Variants in MDFIC observed in about 807,000 individuals in gnomAD.
MDFIC encodes the protein myoD family inhibitor domain-containing protein.
MDFIC carries 17 observed loss-of-function variants against 23.2 expected under a neutral mutation model. The ratio of observed to expected loss-of-function variants is 0.73; its 90% confidence interval spans 0.50 to 1.10. The LOEUF (loss-of-function observed/expected upper bound fraction) is 1.10. Ranked by LOEUF, MDFIC falls within the 50% of genes least tolerant of loss-of-function variation. The pLI is 0.00. For missense variants in MDFIC, 356 were observed against 316.6 expected (o/e 1.12, Z -0.95); for synonymous variants, 120 against 115.2 (o/e 1.04, Z -0.27).
chr7:114,990,584 T>C (rs989209298), intron 4 of MDFIC, among the ~76,000 whole-genome samples: 3 of 152,274 alleles, frequency 2.0e-5, no homozygotes, highest in Non-Finnish European at 4.4e-5. Flanking sequence ...CACCTATGAG[T>C]GAGAACATGC....
Position 114,988,464 on chromosome 7 carries a change from C to T in MDFIC, c.493+8683C>T, listed in dbSNP as rs571888660. Reference sequence around the variant, plus strand: ...GCCAGGCTGGAGATGAAAGTTTGTTCGTGAGGGATTCAACCTCAAGAGCTC... The same window carrying T: ...GCCAGGCTGGAGATGAAAGTTTGTTTGTGAGGGATTCAACCTCAAGAGCTC... On this transcript the variant is annotated intron_variant, in intron 4 of 4. Transcript: ENST00000393486. Among the ~76,000 whole-genome samples, 8 of 152,148 alleles carry T rather than the reference C, an allele frequency of 5.3e-5. No homozygotes were observed. The South Asian group carries it at 1.7e-3, about 32-fold the overall frequency.
intron 4 of MDFIC, chr7:115,014,356 A>G: frequency 7.8e-7 from 1 of 1,274,366 alleles, no homozygotes; most frequent in Admixed American, 2.5e-5. Flanking sequence ...GTCAATTCAC[A>G]TCTACTTGCA....
chr7:114,990,132 A>T (rs1383574603), intron 4 of MDFIC, among the ~76,000 whole-genome samples: 7 of 152,208 alleles, frequency 4.6e-5, no homozygotes, highest in Non-Finnish European at 8.8e-5. Flanking sequence ...TTTATGCTTT[A>T]GTATGCTCTA....
chr7:114,998,147 G>C lies in MDFIC; in HGVS notation c.494-17541G>C, dbSNP rs1183085411. ...ACAATTCAGAGGAGGAAGTTTTGGG[G>C]AAAAATACAGATTGTGCAGGATGTT... On this transcript the variant is annotated intron_variant, in intron 4 of 4. Coordinates refer to ENST00000393486, the MANE Select transcript of MDFIC (RefSeq NM_001166345.3). 3.9e-5 allele frequency among the ~76,000 whole-genome samples: 6 copies of C among 152,156 alleles called. No homozygotes were observed. The East Asian group carries it at 1.2e-3, about 29-fold the overall frequency.
At chr7:114,950,886 A>G (rs1792755831) in intron 3 of MDFIC, among the ~76,000 whole-genome samples, 1 of 152,294 alleles carries the variant, frequency 6.6e-6, no homozygotes, top group East Asian at 1.9e-4. Context: ...TTAAAGGGTC[A>G]GGAGGGGCCA....
chr7:114,927,600 A>G (rs1436986490), intron 2 of MDFIC, among the ~76,000 whole-genome samples: 1 of 152,156 alleles, frequency 6.6e-6, no homozygotes, highest in African/African-American at 2.4e-5. Flanking sequence ...ATGAGAGACT[A>G]AATAAATAGA....
Position 115,017,357 on chromosome 7 carries a change from T to C in MDFIC, c.*1422T>C, listed in dbSNP as rs946379355. On this transcript the variant is annotated 3_prime_UTR_variant, in exon 5 of 5. Coordinates refer to ENST00000393486, the MANE Select transcript of MDFIC (RefSeq NM_001166345.3). ...TTCATTTAAATTAGGAAATTTTTAA[T>C]ATTAAAATCCCAGTGTTCTGAGTTA... 6.6e-6 allele frequency: 1 copy of C among 152,174 alleles called. No homozygotes were observed. Among genetic ancestry groups the C allele is most frequent in the African/African-American group, 2.4e-5 (1 of 41,456 alleles). The allele number at this position is 152,174 out of a possible 1,614,324, so 9.4% of individuals were successfully genotyped here. A position where few individuals can be genotyped will look rare whatever the true frequency, so the allele number is the denominator to read the frequency against.
At chr7:114,954,924 T>A (rs1792855427) in intron 3 of MDFIC, among the ~76,000 whole-genome samples, 1 of 152,172 alleles carries the variant, frequency 6.6e-6, no homozygotes, top group Non-Finnish European at 1.5e-5. Flanking sequence ...CTCACCACTT[T>A]CTGCCTCTAT....
intron 4 of MDFIC, among the ~76,000 whole-genome samples, chr7:114,987,205 T>A (rs1793530028): frequency 6.6e-6 from 1 of 152,214 alleles, no homozygotes; most frequent in South Asian, 2.1e-4. Context: ...TATTCTTGAA[T>A]CCTGAAGGTG....
intron 3 of MDFIC, among the ~76,000 whole-genome samples, chr7:114,945,278 T>C (rs1792622305): frequency 6.6e-6 from 1 of 152,220 alleles, no homozygotes; most frequent in African/African-American, 2.4e-5. Flanking sequence ...AACTGAGCTC[T>C]GGAAAGTCAG....
intron 4 of MDFIC, among the ~76,000 whole-genome samples, chr7:114,983,361 C>T (rs1349857616): frequency 6.6e-6 from 1 of 151,960 alleles, no homozygotes; most frequent in Non-Finnish European, 1.5e-5. Context: ...TACAAATTTT[C>T]TAGTGTTTGA....
Position 114,922,200 on chromosome 7 carries a change from GGATC to G in MDFIC, c.-542_-539del. On this transcript the variant is annotated 5_prime_UTR_variant, in exon 1 of 5. Coordinates refer to ENST00000393486, the MANE Select transcript of MDFIC (RefSeq NM_001166345.3). ...TGACCCAGACAGCGCAGGGCGCGAG[GGATC>G]GCGCGGCCGAGCCCGGGTCGCGCCG... 1 of 421,762 alleles carries G rather than the reference GGATC, an allele frequency of 2.4e-6. No homozygotes were observed. Among genetic ancestry groups the G allele is most frequent in the Admixed American group, 4.5e-5 (1 of 22,316 alleles). The allele number at this position is 421,762 out of a possible 1,614,324, so 26.1% of individuals were successfully genotyped here.
At chr7:114,953,686 G>A (rs906336752) in intron 3 of MDFIC, among the ~76,000 whole-genome samples, 1 of 152,180 alleles carries the variant, frequency 6.6e-6, no homozygotes, top group Admixed American at 6.5e-5. Flanking sequence ...CGGTATCCAT[G>A]AAGGTTTGGT....
In MDFIC at chr7:114,923,048, C is replaced by G; in HGVS notation, c.15C>G (p.Gly5=). 2 of 1,358,552 alleles carry G rather than the reference C, an allele frequency of 1.5e-6. No homozygotes were observed. Among genetic ancestry groups the G allele is most frequent in the East Asian group, 3.2e-5 (1 of 31,234 alleles). 84.2% of individuals were successfully genotyped at this position (1,358,552 alleles called of 1,614,324 possible). The part of the protein sequence containing the change: MSGA[G]EALAPGPVGP... Reference sequence around the variant, plus strand: ...CGGAGCGGCCCATGTCCGGCGCGGGCGAAGCCCTCGCTCCCGGGCCCGTGG... The same window carrying G: ...CGGAGCGGCCCATGTCCGGCGCGGGGGAAGCCCTCGCTCCCGGGCCCGTGG... Residue 5 remains glycine (G), a synonymous_variant, in exon 2 of 5, where the codon GGC becomes GGG. Transcript: ENST00000393486.
chr7:114,976,398 T>C (rs1793315559), intron 3 of MDFIC, among the ~76,000 whole-genome samples: 1 of 152,154 alleles, frequency 6.6e-6, no homozygotes, highest in South Asian at 2.1e-4. Flanking sequence ...TATGTATGCA[T>C]AACTAGCTTT....
At chr7:114,933,209 G>A (rs983275045) in intron 2 of MDFIC, among the ~76,000 whole-genome samples, 2 of 151,110 alleles carry the variant, frequency 1.3e-5, no homozygotes, top group Non-Finnish European at 2.9e-5. Context: ...AAAGATGGGT[G>A]TGAATCATCA....
chr7:114,952,561 G>C (rs1394447304), intron 3 of MDFIC, among the ~76,000 whole-genome samples: 1 of 152,118 alleles, frequency 6.6e-6, no homozygotes, highest in Non-Finnish European at 1.5e-5. Context: ...AAAACACACA[G>C]ATGCTGTCTT....
In MDFIC at chr7:115,016,685, T is replaced by TAAATAAACAAACAAAC. The variant is rs533665524; in HGVS notation, c.*753_*754insTAAACAAACAAACAAA. 1.3e-5 allele frequency: 2 copies of TAAATAAACAAACAAAC among 155,920 alleles called. No individual in the cohort carries two copies. The highest frequency in any genetic ancestry group is 4.9e-5 in the African/African-American group (2 of 41,162). The allele number at this position is 155,920 out of a possible 1,614,324, so 9.7% of individuals were successfully genotyped here. A position where few individuals can be genotyped will look rare whatever the true frequency, so the allele number is the denominator to read the frequency against. ...ATAAATAAATAAATAAATAAATAAA[T>TAAATAAACAAACAAAC]AAACAAACCAGTCTTTATTTTAAAA... On this transcript the variant is annotated 3_prime_UTR_variant, in exon 5 of 5. Coordinates refer to ENST00000393486, the MANE Select transcript of MDFIC (RefSeq NM_001166345.3).
intron 4 of MDFIC, among the ~76,000 whole-genome samples, chr7:114,983,594 G>T (rs890548614): frequency 8.1e-6 from 1 of 122,884 alleles, no homozygotes; most frequent in African/African-American, 3.2e-5. Context: ...TTGAGGTCGT[G>T]TCTCACTCTG....
Sources: allele counts gnomAD v4.1 joint callset (sites outside exome capture counted in the v4.1 genomes callset), GRCh38; gene constraint gnomAD v4.1.1; transcripts MANE v1.5; gene names NCBI Gene and HGNC (gene_info 2026-07-23, HGNC 2026-07-21).